The following VPS28 variants were observed in gnomAD, a reference collection of about 807,000 sequenced individuals.
The protein encoded by VPS28 is vacuolar protein sorting-associated protein 28 homolog.
Under a neutral mutation model 33.7 loss-of-function variants are expected in VPS28, and 29 were observed. The ratio of observed to expected loss-of-function variants is 0.86; its 90% CI spans 0.64 to 1.17. The LOEUF (loss-of-function observed/expected upper bound fraction) is 1.17, where lower values mean the gene tolerates loss of function less well. Ranked by LOEUF, VPS28 falls within the 50% of genes most tolerant of loss-of-function variation. VPS28 has a pLI of 0.00. For synonymous variants in VPS28, 164 were observed against 116.7 expected (o/e 1.40, Z -2.61); for missense variants, 247 against 312.2 (o/e 0.79, Z 1.57).
intron 1 of VPS28, 181 bp from the exon 2 acceptor site, chr8:144,427,160 G>A (rs1409869424): frequency 4.7e-5 from 21 of 443,798 alleles, no homozygotes; most frequent in Non-Finnish European, 7.9e-5. Flanking sequence ...TTAGCCGGAC[G>A]TTGTGGCATA....
At chr8:144,424,365 T>C in intron 7 of VPS28, 97 bp from the exon 8 acceptor site, 1 of 1,458,426 alleles carries the variant, frequency 6.9e-7, no homozygotes, top group Non-Finnish European at 9.2e-7. Context: ...AGCTGTCACT[T>C]GGGCCTCCTC....
intron 4 of VPS28, 124 bp downstream of exon 4, chr8:144,425,902 G>C: frequency 1.3e-6 from 2 of 1,510,890 alleles, no homozygotes; most frequent in Admixed American, 2.1e-5. Context: ...AGTGCCTCAG[G>C]AACAGTTCCC....
rs531905228 is a variant in VPS28 at position 144,424,523 on chromosome 8, C to T, written c.402+195G>A. On this transcript the variant is annotated intron_variant, in intron 7 of 9. Coordinates refer to ENST00000292510, the MANE Select transcript of VPS28 (RefSeq NM_016208.4). ...GCCAGAACGCACCCTGTGCTCATCC[C>T]CCCGACAGGAGTCCAGGTGGCCTGG... 5.4e-5 allele frequency: 43 copies of T among 795,356 alleles called. No individual in the cohort carries two copies. The African/African-American group carries it at 6.8e-4, about 13-fold the overall frequency. 49.3% of individuals were successfully genotyped at this position (795,356 alleles called of 1,614,324 possible). A position where few individuals can be genotyped will look rare whatever the true frequency, so the allele number is the denominator to read the frequency against.
intron 2 of VPS28, 173 bp from the exon 3 acceptor site, chr8:144,426,381 G>A: frequency 1.2e-6 from 1 of 835,678 alleles, no homozygotes; most frequent in Non-Finnish European, 1.8e-6. Context: ...GTGTGTGGGG[G>A]GACCTGATGA....
At chr8:144,426,253 C>A (rs1159471021) in intron 2 of VPS28, 45 bp from the exon 3 acceptor site, 4 of 1,554,532 alleles carry the variant, frequency 2.6e-6, no homozygotes, top group Admixed American at 1.9e-5. Context: ...CCAAAGGGAA[C>A]CCAAGGGCAG....
At chr8:144,425,646 A>G (rs1432797485) in intron 5 of VPS28, 37 bp downstream of exon 5, 1 of 1,607,822 alleles carries the variant, frequency 6.2e-7, no homozygotes, top group Non-Finnish European at 8.5e-7. Flanking sequence ...CAAGCCCCCC[A>G]GGGCAGGAAC....
chr8:144,424,169 C>A, intron 8 of VPS28, 37 bp from the exon 9 acceptor site: 1 of 1,558,360 alleles, frequency 6.4e-7, no homozygotes, highest in Admixed American at 1.9e-5. Context: ...CCGACGCCGG[C>A]TCCATCCCCT....
At chr8:144,426,832 C>A in intron 2 of VPS28, 77 bp downstream of exon 2, 2 of 1,551,110 alleles carry the variant, frequency 1.3e-6, no homozygotes, top group South Asian at 1.1e-5. Context: ...TCCCCACCCC[C>A]GATCCCCAAT....
chr8:144,423,998 C>A (rs1242256681), intron 9 of VPS28, 43 bp downstream of exon 9: 2 of 1,607,230 alleles, frequency 1.2e-6, no homozygotes, highest in East Asian at 2.2e-5. Context: ...CTGGGAGGGT[C>A]TCGGGCACTG....
chr8:144,426,093 G>C, intron 3 of VPS28, 30 bp from the exon 4 acceptor site: 4 of 1,558,268 alleles, frequency 2.6e-6, no homozygotes, highest in Non-Finnish European at 3.5e-6. Flanking sequence ...CTGTGGGCCA[G>C]TGCCAACAGG....
chr8:144,427,535 G>A (rs782152409), intron 1 of VPS28, among the ~76,000 whole-genome samples: 19 of 152,316 alleles, frequency 1.2e-4, no homozygotes, highest in Non-Finnish European at 2.5e-4. Context: ...GAGGGCGGCA[G>A]GCAGCTGTTT....
chr8:144,425,795 G>C (rs1822691049), intron 4 of VPS28, 23 bp from the exon 5 acceptor site: 1 of 1,613,458 alleles, frequency 6.2e-7, no homozygotes, highest in Non-Finnish European at 8.5e-7. Context: ...CTGTCTATCG[G>C]GCCAGGCCCC....
chr8:144,424,194 C>A, intron 8 of VPS28, 21 bp downstream of exon 8: 1 of 1,581,442 alleles, frequency 6.3e-7, no homozygotes, highest in South Asian at 1.2e-5. Context: ...CCTAGGCCCC[C>A]TGCCAGCCCA....
At chr8:144,424,432 C>T (rs1822579961) in intron 7 of VPS28, 164 bp from the exon 8 acceptor site, 11 of 990,510 alleles carry the variant, frequency 1.1e-5, no homozygotes, top group Non-Finnish European at 1.6e-5. Context: ...TCCTGGCTGC[C>T]CAGACAGCTG....
intron 1 of VPS28, among the ~76,000 whole-genome samples, chr8:144,427,781 G>T (rs782606983): frequency 4.6e-5 from 7 of 152,236 alleles, no homozygotes; most frequent in African/African-American, 1.7e-4. Context: ...AGCTCCAGAC[G>T]TTCTCTCTTT....
Position 144,423,768 on chromosome 8 carries a change from G to A in VPS28, c.*37C>T, listed in dbSNP as rs368968346. The A allele has an allele frequency of 6.9e-5, 112 of 1,612,402 alleles. 1 individual carries two copies. Among genetic ancestry groups the A allele is most frequent in the Non-Finnish European group, 9.4e-5 (111 of 1,179,680 alleles). On this transcript the variant is annotated 3_prime_UTR_variant, in exon 10 of 10. Coordinates refer to ENST00000292510, the MANE Select transcript of VPS28 (RefSeq NM_016208.4). Reference sequence around the variant, plus strand: ...CAGGGGACCAGGAGCCATCGCCTCAGACTCTGCCCTTCTGTGCAAGGGCTA... The same window carrying A: ...CAGGGGACCAGGAGCCATCGCCTCAAACTCTGCCCTTCTGTGCAAGGGCTA...
At chr8:144,428,140 C>A (rs1822931062) in intron 1 of VPS28, among the ~76,000 whole-genome samples, 1 of 152,140 alleles carries the variant, frequency 6.6e-6, no homozygotes, top group African/African-American at 2.4e-5. Context: ...GTCAAGCTCT[C>A]CGAGGGTCGA....
chr8:144,427,567 G>C (rs1822863336), intron 1 of VPS28, among the ~76,000 whole-genome samples: 1 of 152,150 alleles, frequency 6.6e-6, no homozygotes, highest in South Asian at 2.1e-4. Flanking sequence ...AGGAGAGTTT[G>C]GGGCACAGGA....
At chr8:144,426,152 G>A in intron 3 of VPS28, 28 bp downstream of exon 3, 2 of 1,599,310 alleles carry the variant, frequency 1.3e-6, no homozygotes, top group Non-Finnish European at 1.7e-6. Flanking sequence ...GTTGGCCAAT[G>A]CCGGCCGGGT....
Sources: allele counts gnomAD v4.1 joint callset (sites outside exome capture counted in the v4.1 genomes callset), GRCh38; gene constraint gnomAD v4.1.1; transcripts MANE v1.5; gene names NCBI Gene and HGNC (gene_info 2026-07-23, HGNC 2026-07-21).